Variants in QTMAN observed in about 807,000 individuals in gnomAD.
QTMAN encodes tRNA-queuosine alpha-mannosyltransferase.
chr2:144,147,790 G>A, the QTMAN span, among the ~76,000 whole-genome samples: 4 of 151,830 alleles, frequency 2.6e-5, no homozygotes, highest in Non-Finnish European at 5.9e-5. Context: ...CAAACTTACT[G>A]TGACCAATAA....
the QTMAN span, among the ~76,000 whole-genome samples, chr2:144,051,543 G>A: frequency 6.6e-6 from 1 of 152,168 alleles, no homozygotes; most frequent in Non-Finnish European, 1.5e-5. Context: ...CAACAACTTT[G>A]CATTTTCCTG....
chr2:144,051,297 A>C, the QTMAN span, among the ~76,000 whole-genome samples: 205 of 152,246 alleles, frequency 1.3e-3, 2 homozygotes, highest in Middle Eastern at 6.8e-3. Context: ...TCGGGAGGCC[A>C]AAGTAGGAGG....
the QTMAN span, among the ~76,000 whole-genome samples, chr2:143,963,607 T>C: frequency 4.3e-3 from 655 of 152,218 alleles, 6 homozygotes; most frequent in African/African-American, 0.015. Flanking sequence ...TGCCCTTTCA[T>C]TTACTTATTT....
At chr2:144,007,197 A>G in the QTMAN span, 3 of 1,590,032 alleles carry the variant, frequency 1.9e-6, no homozygotes, top group Non-Finnish European at 2.6e-6. Flanking sequence ...GTGAGGCCAG[A>G]CAATGTGTAG....
chr2:144,156,335 ATAAT>A, the QTMAN span, among the ~76,000 whole-genome samples: 2 of 152,154 alleles, frequency 1.3e-5, no homozygotes, highest in Non-Finnish European at 2.9e-5. Flanking sequence ...GTACCACTGA[ATAAT>A]TAATTATAAA....
At chr2:144,208,776 A>G in the QTMAN span, 104 of 1,607,612 alleles carry the variant, frequency 6.5e-5, no homozygotes, top group African/African-American at 1.3e-3. Flanking sequence ...TGATGAGGAT[A>G]CTCATTGGCC....
the QTMAN span, among the ~76,000 whole-genome samples, chr2:144,194,676 C>T: frequency 1.4e-4 from 21 of 152,210 alleles, no homozygotes; most frequent in Non-Finnish European, 2.2e-4. Flanking sequence ...CTATGAAAAA[C>T]GGAAGGCATT....
At chr2:144,297,206 A>G in the QTMAN span, among the ~76,000 whole-genome samples, 1 of 152,184 alleles carries the variant, frequency 6.6e-6, no homozygotes. Context: ...CCCAGCTTCA[A>G]CAATTATCAT....
chr2:144,258,458 AT>A, the QTMAN span, among the ~76,000 whole-genome samples: 1 of 152,236 alleles, frequency 6.6e-6, no homozygotes, highest in African/African-American at 2.4e-5. Context: ...AAGAAAATCA[AT>A]TCTGGCCTTA....
the QTMAN span, among the ~76,000 whole-genome samples, chr2:144,325,792 T>C: frequency 4.6e-5 from 7 of 152,326 alleles, no homozygotes; most frequent in African/African-American, 1.7e-4. Flanking sequence ...GAAACTTAAT[T>C]CAAAAGTCCT....
the QTMAN span, among the ~76,000 whole-genome samples, chr2:144,303,535 T>G: frequency 6.6e-6 from 1 of 152,138 alleles, no homozygotes; most frequent in Non-Finnish European, 1.5e-5. Flanking sequence ...CATCATAAAA[T>G]AATTAAAAGA....
At chr2:143,967,327 T>C in the QTMAN span, among the ~76,000 whole-genome samples, 1 of 151,954 alleles carries the variant, frequency 6.6e-6, no homozygotes. Context: ...TATCACATAG[T>C]ATATAATTTT....
the QTMAN span, among the ~76,000 whole-genome samples, chr2:144,314,352 T>C: frequency 6.6e-6 from 1 of 152,070 alleles, no homozygotes; most frequent in Non-Finnish European, 1.5e-5. Flanking sequence ...ACCTAATCTA[T>C]GGAAATAGAA....
At chr2:143,987,882 C>T in the QTMAN span, among the ~76,000 whole-genome samples, 52 of 152,240 alleles carry the variant, frequency 3.4e-4, no homozygotes, top group African/African-American at 1.2e-3. Flanking sequence ...CCCAACTTCC[C>T]GCAACCCCAA....
At chr2:144,211,425 C>T in the QTMAN span, 1 of 152,612 alleles carries the variant, frequency 6.6e-6, no homozygotes, top group Non-Finnish European at 1.5e-5. Flanking sequence ...CCTACCATCT[C>T]TGAAAACTAT....
chr2:144,067,891 T>C, the QTMAN span, among the ~76,000 whole-genome samples: 1 of 152,154 alleles, frequency 6.6e-6, no homozygotes, highest in Admixed American at 6.5e-5. Flanking sequence ...ATGTGGTGAG[T>C]GCCACCCCCA....
At chr2:143,982,032 G>C in the QTMAN span, among the ~76,000 whole-genome samples, 2 of 152,056 alleles carry the variant, frequency 1.3e-5, no homozygotes, top group Non-Finnish European at 2.9e-5. Flanking sequence ...AATCACATTA[G>C]GTTCTGAAGG....
chr2:144,284,517 TC>T, the QTMAN span, among the ~76,000 whole-genome samples: 3 of 152,116 alleles, frequency 2.0e-5, no homozygotes, highest in African/African-American at 7.2e-5. Flanking sequence ...ACATTAACAG[TC>T]TGCCTCTGAG....
At chr2:144,271,621 G>A in the QTMAN span, among the ~76,000 whole-genome samples, 1 of 152,160 alleles carries the variant, frequency 6.6e-6, no homozygotes, top group Non-Finnish European at 1.5e-5. Flanking sequence ...ACCTAAGGCT[G>A]AAGGTAGTGA....
Sources: gnomAD v4.1 joint callset for allele counts (sites outside exome capture counted in the v4.1 genomes callset) on GRCh38, gnomAD v4.1.1 for gene constraint, MANE v1.5 for transcripts, NCBI Gene and HGNC (gene_info 2026-07-23, HGNC 2026-07-21) for gene names.